Variants in SORCS1 observed in about 807,000 individuals in gnomAD.
SORCS1 encodes the protein VPS10 domain-containing receptor SorCS1.
Under a neutral mutation model 146.1 loss-of-function variants are expected in SORCS1, and 60 were observed. That is an observed-to-expected ratio of 0.41 (90% CI 0.33 to 0.51). The LOEUF (loss-of-function observed/expected upper bound fraction) is 0.51, where lower values mean the gene tolerates loss of function less well. Among genes scored for constraint, SORCS1 ranks in the 20% least tolerant of loss-of-function variants. The probability of loss-of-function intolerance (pLI) is 0.21; values close to 1 mark genes in which losing one functional copy is unlikely to be tolerated. For missense variants in SORCS1, 1,352 were observed against 1,487.6 expected (o/e 0.91, Z 1.50); for synonymous variants, 637 against 584.0 (o/e 1.09, Z -1.31).
At chr10:106,929,480 T>C (rs1387468482) in intron 2 of SORCS1, among the ~76,000 whole-genome samples, 1 of 152,206 alleles carries the variant, frequency 6.6e-6, no homozygotes, top group African/African-American at 2.4e-5. Context: ...AACATGGCCT[T>C]TTATAAAAAG....
chr10:107,011,815 T>C, intron 1 of SORCS1, among the ~76,000 whole-genome samples: 1 of 152,274 alleles, frequency 6.6e-6, no homozygotes, highest in Non-Finnish European at 1.5e-5. Flanking sequence ...GCCATGGAGA[T>C]CCTAAGTAAA....
intron 1 of SORCS1, among the ~76,000 whole-genome samples, chr10:106,972,712 G>T (rs934693522): frequency 2.0e-5 from 3 of 152,068 alleles, no homozygotes; most frequent in African/African-American, 7.2e-5. Context: ...AAAGGTTTGA[G>T]TTGAATGCTT....
At chr10:107,077,869 T>C (rs1963018550) in intron 1 of SORCS1, among the ~76,000 whole-genome samples, 2 of 152,056 alleles carry the variant, frequency 1.3e-5, no homozygotes, top group Admixed American at 6.6e-5. Context: ...GAAGGGGGCA[T>C]TTAGGAAGAA....
At chr10:106,961,655 A>G (rs1248378817) in intron 1 of SORCS1, among the ~76,000 whole-genome samples, 1 of 152,210 alleles carries the variant, frequency 6.6e-6, no homozygotes, top group Non-Finnish European at 1.5e-5. Context: ...AGCAGATGAC[A>G]GCAAAGGCAA....
At chr10:106,970,468 A>G (rs990820687) in intron 1 of SORCS1, among the ~76,000 whole-genome samples, 2 of 150,454 alleles carry the variant, frequency 1.3e-5, no homozygotes, top group African/African-American at 4.9e-5. Flanking sequence ...CCTCCAGAGT[A>G]GCTGGGATTA....
At chr10:107,099,032 C>A (rs913487843) in intron 1 of SORCS1, among the ~76,000 whole-genome samples, 7 of 152,118 alleles carry the variant, frequency 4.6e-5, no homozygotes, top group Non-Finnish European at 1.0e-4. Context: ...TTATGGTGTC[C>A]ATTAATTAAG....
chr10:106,682,124 T>C (rs1852480177), intron 10 of SORCS1, among the ~76,000 whole-genome samples: 1 of 152,090 alleles, frequency 6.6e-6, no homozygotes, highest in South Asian at 2.1e-4. Context: ...TGAGACTCCA[T>C]CTCTAATACA....
chr10:106,788,976 C>T lies in SORCS1; in HGVS notation c.727-12284G>A, dbSNP rs368354281. Among the ~76,000 whole-genome samples, 239 of 152,364 alleles carry T rather than the reference C, an allele frequency of 1.6e-3. 1 individual carries two copies. Among genetic ancestry groups the T allele is most frequent in the South Asian group, 3.3e-3 (16 of 4,834 alleles). On this transcript the variant is annotated intron_variant, in intron 3 of 25. Coordinates refer to ENST00000263054, the MANE Select transcript of SORCS1 (RefSeq NM_052918.5). Reference sequence around the variant, plus strand: ...GTCAAGACATCCAGGCATTTCCATACATCCTCTAAAATCTAGGTAGAGGTT... The same window carrying T: ...GTCAAGACATCCAGGCATTTCCATATATCCTCTAAAATCTAGGTAGAGGTT...
chr10:106,752,291 T>A (rs111294788), intron 5 of SORCS1, among the ~76,000 whole-genome samples: 1 of 152,140 alleles, frequency 6.6e-6, no homozygotes, highest in Admixed American at 6.5e-5. Flanking sequence ...CAGGAAGAAC[T>A]AAAGAAGGCT....
intron 1 of SORCS1, among the ~76,000 whole-genome samples, chr10:107,156,825 T>A (rs540616595): frequency 6.6e-6 from 1 of 152,238 alleles, no homozygotes; most frequent in Non-Finnish European, 1.5e-5. Flanking sequence ...TGGCTATACC[T>A]CCCTTCTACC....
At chr10:107,049,550 TTCA>T (rs1228357916) in intron 1 of SORCS1, among the ~76,000 whole-genome samples, 4 of 152,178 alleles carry the variant, frequency 2.6e-5, no homozygotes, top group African/African-American at 9.7e-5. Flanking sequence ...CTAAAACTTC[TTCA>T]TTGTTACATT....
intron 2 of SORCS1, among the ~76,000 whole-genome samples, chr10:106,953,003 A>AC (rs1954767220): frequency 2.0e-5 from 3 of 151,494 alleles, no homozygotes; most frequent in African/African-American, 7.3e-5. Flanking sequence ...ACTACTACTA[A>AC]TAATAATAAT....
At chr10:106,596,259 C>A (rs1016462496) in intron 24 of SORCS1, among the ~76,000 whole-genome samples, 1 of 152,160 alleles carries the variant, frequency 6.6e-6, no homozygotes, top group African/African-American at 2.4e-5. Flanking sequence ...ATTGCTACAC[C>A]GAACTTCCCC....
intron 5 of SORCS1, among the ~76,000 whole-genome samples, chr10:106,751,177 C>T (rs377716518): frequency 6.6e-6 from 1 of 151,366 alleles, no homozygotes; most frequent in South Asian, 2.1e-4. Flanking sequence ...AATACCACGC[C>T]TCTCAAGGTA....
rs75589532 is a variant in SORCS1 at position 106,611,191 on chromosome 10, G to A, written c.3033+720C>T. Among the ~76,000 whole-genome samples, 112 of 152,278 alleles carry A rather than the reference G, an allele frequency of 7.4e-4. No individual in the cohort carries two copies. In the East Asian group the frequency reaches 0.012, roughly 16 times the overall value. On this transcript the variant is annotated intron_variant, in intron 22 of 25. Coordinates refer to ENST00000263054, the MANE Select transcript of SORCS1 (RefSeq NM_052918.5). ...GGGAAGGATAAAACACAACCACCTTGTTATTCTCTGAGAAACCTTAGGAAG... is the reference window on the plus strand; with the variant it reads ...GGGAAGGATAAAACACAACCACCTTATTATTCTCTGAGAAACCTTAGGAAG...
upstream of SORCS1, among the ~76,000 whole-genome samples, chr10:107,168,699 A>G (rs574111202): frequency 4.5e-5 from 6 of 134,234 alleles, no homozygotes; most frequent in South Asian, 4.7e-4. Flanking sequence ...TACAAAGCTT[A>G]TATCACATAA....
At chr10:106,800,033 A>G (rs1946783798) in intron 3 of SORCS1, among the ~76,000 whole-genome samples, 1 of 152,184 alleles carries the variant, frequency 6.6e-6, no homozygotes, top group South Asian at 2.1e-4. Flanking sequence ...TTGGTTATAG[A>G]GATCAAGCAG....
intron 5 of SORCS1, among the ~76,000 whole-genome samples, chr10:106,732,449 A>T (rs992492876): frequency 6.6e-6 from 1 of 152,210 alleles, no homozygotes; most frequent in African/African-American, 2.4e-5. Context: ...ATGAGCATTA[A>T]AAAAGAAAAT....
intron 5 of SORCS1, among the ~76,000 whole-genome samples, chr10:106,747,698 CAGAT>C (rs930534891): frequency 9.9e-5 from 15 of 152,224 alleles, no homozygotes; most frequent in African/African-American, 2.2e-4. Context: ...TACAACATGA[CAGAT>C]AGATAGGAAG....
Sources: gnomAD v4.1 joint callset for allele counts (sites outside exome capture counted in the v4.1 genomes callset) on GRCh38, gnomAD v4.1.1 for gene constraint, MANE v1.5 for transcripts, NCBI Gene and HGNC (gene_info 2026-07-23, HGNC 2026-07-21) for gene names.